The following DARS1 variants were observed in gnomAD, a reference collection of about 807,000 sequenced individuals.
DARS1 encodes the protein aspartyl-tRNA synthetase 1.
Under a neutral mutation model 68.8 loss-of-function variants are expected in DARS1, and 51 were observed. The observed-to-expected ratio is 0.74, with a 90% CI of 0.59 to 0.94. The LOEUF (loss-of-function observed/expected upper bound fraction) is 0.94. DARS1 is among the 40% of genes least tolerant of loss of function. DARS1 has a pLI of 0.00. For missense variants in DARS1, 607 were observed against 597.3 expected (o/e 1.02, Z -0.17); for synonymous variants, 203 against 190.4 (o/e 1.07, Z -0.55).
chr2:135,942,619 G>A (rs889067391), intron 5 of DARS1, among the ~76,000 whole-genome samples: 9 of 152,082 alleles, frequency 5.9e-5, no homozygotes, highest in South Asian at 2.1e-4. Context: ...AAACCTGCAC[G>A]TTGTGCACAT....
chr2:135,950,908 C>T (rs1210234209), intron 4 of DARS1, among the ~76,000 whole-genome samples: 1 of 151,654 alleles, frequency 6.6e-6, no homozygotes, highest in East Asian at 1.9e-4. Context: ...AACAAAGGGG[C>T]GGGGAACAGT....
intron 3 of DARS1, among the ~76,000 whole-genome samples, chr2:135,967,571 A>C (rs1682264384): frequency 6.6e-6 from 1 of 152,238 alleles, no homozygotes; most frequent in African/African-American, 2.4e-5. Context: ...TGTTATATAT[A>C]AACCTACCAT....
intron 5 of DARS1, among the ~76,000 whole-genome samples, chr2:135,934,247 T>G (rs1316124813): frequency 6.6e-6 from 1 of 152,222 alleles, no homozygotes; most frequent in Non-Finnish European, 1.5e-5. Context: ...AAAAATTATT[T>G]GTAAATTTTA....
intron 3 of DARS1, among the ~76,000 whole-genome samples, chr2:135,969,591 AAAGT>A (rs1316091402): frequency 6.6e-6 from 1 of 151,850 alleles, no homozygotes; most frequent in Non-Finnish European, 1.5e-5. Context: ...AATTCCACAA[AAAGT>A]AAGTTAAACA....
At chr2:135,985,663 T>C (rs948090612), upstream of DARS1, 48 of 1,383,328 alleles carry the variant, frequency 3.5e-5, no homozygotes, top group Middle Eastern at 7.3e-4. Flanking sequence ...CCCGGAGCGC[T>C]GGCGGCCGCG....
chr2:135,931,426 AG>A (rs1423191792), intron 7 of DARS1, among the ~76,000 whole-genome samples: 3 of 152,060 alleles, frequency 2.0e-5, no homozygotes, highest in Non-Finnish European at 2.9e-5. Context: ...TTAAGGAGAC[AG>A]GGGTCTTGCC....
intron 4 of DARS1, among the ~76,000 whole-genome samples, chr2:135,959,555 G>C (rs1682057271): frequency 6.6e-6 from 1 of 151,970 alleles, no homozygotes; most frequent in Non-Finnish European, 1.5e-5. Flanking sequence ...TTTGAAAGTA[G>C]CTCTTTTAGC....
intron 4 of DARS1, among the ~76,000 whole-genome samples, chr2:135,954,258 A>G (rs1361001618): frequency 6.6e-6 from 1 of 151,038 alleles, no homozygotes; most frequent in African/African-American, 2.4e-5. Context: ...ACCTTAGTCA[A>G]GACACTTAAT....
At chr2:135,934,919 TGA>T (rs1681434276) in intron 5 of DARS1, among the ~76,000 whole-genome samples, 2 of 151,138 alleles carry the variant, frequency 1.3e-5, no homozygotes, top group South Asian at 4.2e-4. Context: ...CTCAGCCTCC[TGA>T]GTAGCTGGGA....
intron 15 of DARS1, chr2:135,910,920 C>T (rs1377146969): frequency 2.2e-6 from 1 of 452,978 alleles, no homozygotes; most frequent in Admixed American, 4.0e-5. Context: ...CAGGATACTC[C>T]ACTTACAAGA....
intron 5 of DARS1, among the ~76,000 whole-genome samples, chr2:135,939,366 T>C (rs1434681641): frequency 6.6e-6 from 1 of 152,096 alleles, no homozygotes; most frequent in Admixed American, 6.5e-5. Flanking sequence ...CACTCAAAAC[T>C]ACTCAACTAC....
At chr2:135,947,105 CAAATG>C (rs2104822402) in intron 4 of DARS1, among the ~76,000 whole-genome samples, 2 of 147,916 alleles carry the variant, frequency 1.4e-5, no homozygotes, top group African/African-American at 4.9e-5. Flanking sequence ...TTTTATAGCT[CAAATG>C]AAAGTGATTT....
intron 7 of DARS1, among the ~76,000 whole-genome samples, chr2:135,932,485 C>T (rs567495616): frequency 6.6e-6 from 1 of 152,266 alleles, no homozygotes; most frequent in African/African-American, 2.4e-5. Flanking sequence ...TTTCTACTTG[C>T]TGAATAACTT....
At chr2:135,934,681 CACTT>C (rs1681427389) in intron 5 of DARS1, among the ~76,000 whole-genome samples, 1 of 152,002 alleles carries the variant, frequency 6.6e-6, no homozygotes, top group African/African-American at 2.4e-5. Flanking sequence ...TTAGGGAAAT[CACTT>C]AATCTCAGAG....
At chr2:135,946,033 T>A (rs1332982227) in intron 4 of DARS1, among the ~76,000 whole-genome samples, 1 of 151,910 alleles carries the variant, frequency 6.6e-6, no homozygotes, top group Non-Finnish European at 1.5e-5. Flanking sequence ...TAGACATGAG[T>A]GAATTCAGAA....
At chr2:135,922,645 G>T in intron 9 of DARS1, 139 bp downstream of exon 9, 1 of 1,247,308 alleles carries the variant, frequency 8.0e-7, no homozygotes, top group South Asian at 2.8e-5. Context: ...CTAACTCAAA[G>T]TCTAGCATTT....
At chr2:135,914,747 A>G (rs1371369277) in intron 11 of DARS1, 1 of 426,864 alleles carries the variant, frequency 2.3e-6, no homozygotes, top group South Asian at 3.9e-5. Context: ...TTAAAGCAAT[A>G]AACAGAATAT....
At chr2:135,927,072 T>A (rs1317500988) in intron 7 of DARS1, among the ~76,000 whole-genome samples, 3 of 152,182 alleles carry the variant, frequency 2.0e-5, no homozygotes, top group Non-Finnish European at 4.4e-5. Flanking sequence ...GTAGAACACA[T>A]CTAAAGAGAA....
At chr2:135,941,735 G>A (rs1256398523) in intron 5 of DARS1, among the ~76,000 whole-genome samples, 1 of 151,656 alleles carries the variant, frequency 6.6e-6, no homozygotes, top group African/African-American at 2.4e-5. Context: ...CTACAAAATG[G>A]GAGAAAATTT....
Sources: allele counts gnomAD v4.1 joint callset (sites outside exome capture counted in the v4.1 genomes callset), GRCh38; gene constraint gnomAD v4.1.1; transcripts MANE v1.5; gene names NCBI Gene and HGNC (gene_info 2026-07-23, HGNC 2026-07-21).